The following SRP19 variants were observed in gnomAD, a reference collection of about 807,000 sequenced individuals.
SRP19 encodes signal recognition particle 19 kDa protein.
A neutral mutation model predicts 22.4 loss-of-function variants in SRP19; 11 were observed. That is an observed-to-expected ratio of 0.49 (90% CI 0.31 to 0.81). The LOEUF (loss-of-function observed/expected upper bound fraction) is 0.81, where lower values mean the gene tolerates loss of function less well. SRP19 is among the 40% of genes least tolerant of loss of function. SRP19 has a pLI of 0.05. For synonymous variants in SRP19, 61 were observed against 57.6 expected, an observed-to-expected ratio of 1.06 and a Z score of -0.27; for missense variants, 168 against 175.9, an observed-to-expected ratio of 0.96 and a Z score of 0.25.
intron 4 of SRP19, chr5:112,878,459 C>T (rs1767963615): frequency 1.4e-5 from 4 of 276,864 alleles, no homozygotes; most frequent in South Asian, 2.1e-4. Flanking sequence ...GCAGGGAGAG[C>T]CCAGTAAAGT....
chr5:112,864,435 G>A (rs1026847430), intron 2 of SRP19, 22 bp from the exon 3 acceptor site: 1 of 1,602,326 alleles, frequency 6.2e-7, no homozygotes, highest in Non-Finnish European at 8.5e-7. Context: ...TATATTTAGT[G>A]TTTATGTTTT....
chr5:112,883,896 C>G (rs913222892), intron 4 of SRP19, among the ~76,000 whole-genome samples: 1 of 152,156 alleles, frequency 6.6e-6, no homozygotes, highest in Non-Finnish European at 1.5e-5. Flanking sequence ...TCCTTAACCC[C>G]TCTGACCCAT....
downstream of SRP19, chr5:112,893,094 TAAAAAAAAAAAAA>T: frequency 8.0e-5 from 40 of 500,078 alleles, no homozygotes; most frequent in Middle Eastern, 6.8e-4. Context: ...GTTTTGTTCT[TAAAAAAAAAAAAA>T]AAAAAAAAAA....
In SRP19 at chr5:112,864,517, G is replaced by C; in HGVS notation, c.178G>C (p.Val60Leu). The C allele has an allele frequency of 6.2e-7, 1 of 1,614,010 alleles. No homozygotes were observed. The highest frequency in any genetic ancestry group is 8.5e-7 in the Non-Finnish European group (1 of 1,179,932). The part of the protein sequence containing the change: ...QDVCSAVGLN[V>L]FLEKNKMYSR... Reference sequence around the variant, plus strand: ...TGTATGTTCAGCAGTTGGACTTAACGTATTTCTTGAGGTATGACGTGGTTC... The same window carrying C: ...TGTATGTTCAGCAGTTGGACTTAACCTATTTCTTGAGGTATGACGTGGTTC... The change falls in exon 3 of 5, where the codon GTA becomes CTA. Residue 60 changes from valine (V) to leucine (L), a missense_variant. By Grantham distance (32) the Val-to-Leu change is conservative. Transcript: ENST00000505459.
At chr5:112,877,362 CTTGT>C (rs1432368696) in intron 4 of SRP19, 1 of 152,186 alleles carries the variant, frequency 6.6e-6, no homozygotes, top group Non-Finnish European at 1.5e-5. Context: ...TAGTTATACA[CTTGT>C]TTTAGTCGAG....
At chr5:112,870,682 G>A (rs1767736914), downstream of SRP19, among the ~76,000 whole-genome samples, 6 of 152,182 alleles carry the variant, frequency 3.9e-5, no homozygotes, top group South Asian at 1.2e-3. Flanking sequence ...CATGGGGGCT[G>A]TGCCCTCAGG....
At position 112,864,662 on chromosome 5, in the gene SRP19, A is replaced by G. The variant is rs148840201; in HGVS notation, c.231A>G (p.Gln77=). ...CTAGAGAATGGAATCGTGATGTCCA[A>G]TACAGAGGCAGAGTCCGGGTCCAGC... is the stretch of plus-strand genomic sequence containing the variant. ...MYSREWNRDV[Q]YRGRVRVQLK... is the part of the protein sequence containing the mutation. Residue 77 remains glutamine, a synonymous_variant, in exon 4 of 5, where the codon CAA becomes CAG. Transcript: ENST00000505459. The G allele has an allele frequency of 5.1e-5, 82 of 1,614,074 alleles. No individual in the cohort carries two copies. Among genetic ancestry groups the G allele is most frequent in the Non-Finnish European group, 5.3e-5 (63 of 1,180,046 alleles).
At chr5:112,878,899 CA>C (rs1767979885) in intron 4 of SRP19, 1 of 1,611,854 alleles carries the variant, frequency 6.2e-7, no homozygotes, top group Non-Finnish European at 8.5e-7. Flanking sequence ...TGCAAGCTTG[CA>C]AGCTTTGTGC....
chr5:112,892,463 T>A, exon 5 of SRP19: 1 of 1,614,124 alleles, frequency 6.2e-7, no homozygotes, highest in Non-Finnish European at 8.5e-7. Flanking sequence ...AGGGGCAATG[T>A]ATATGTTCAG....
At chr5:112,885,167 G>T in intron 4 of SRP19, 1 of 171,410 alleles carries the variant, frequency 5.8e-6, no homozygotes, top group Non-Finnish European at 1.3e-5. Context: ...TGCTCATGGT[G>T]CCAGCCCAGA....
chr5:112,895,374 T>C (rs568727708), downstream of SRP19: 46 of 152,012 alleles, frequency 3.0e-4, no homozygotes, highest in African/African-American at 1.0e-3. Context: ...AAGTGTACAA[T>C]AGAATAGTAG....
intron 1 of SRP19, among the ~76,000 whole-genome samples, chr5:112,861,741 C>G (rs1052625680): frequency 6.6e-6 from 1 of 152,124 alleles, no homozygotes; most frequent in African/African-American, 2.4e-5. Flanking sequence ...AGTATTGTTG[C>G]GTTCAGAAAG....
intron 4 of SRP19, among the ~76,000 whole-genome samples, chr5:112,886,450 T>C (rs1291825386): frequency 6.6e-6 from 1 of 152,230 alleles, no homozygotes; most frequent in African/African-American, 2.4e-5. Flanking sequence ...CTCCCGCTTT[T>C]TGGCATCCCA....
downstream of SRP19, chr5:112,893,094 T>TTAAAAA (rs781185558): frequency 8.0e-6 from 4 of 501,508 alleles, no homozygotes; most frequent in Admixed American, 4.2e-5. Context: ...GTTTTGTTCT[T>TTAAAAA]AAAAAAAAAA....
chr5:112,891,274 T>G (rs549258384), intron 4 of SRP19, among the ~76,000 whole-genome samples: 1 of 152,056 alleles, frequency 6.6e-6, no homozygotes. Context: ...GTTTTTGCCA[T>G]GTTGGCCAGG....
intron 4 of SRP19, among the ~76,000 whole-genome samples, chr5:112,866,116 CTTT>C (rs67108157): frequency 2.8e-5 from 4 of 142,010 alleles, no homozygotes; most frequent in East Asian, 2.1e-4. Flanking sequence ...AGTCTTTTTT[CTTT>C]TTTTTTTTTT....
chr5:112,884,236 C>A (rs942919963), intron 4 of SRP19, among the ~76,000 whole-genome samples: 7 of 152,132 alleles, frequency 4.6e-5, no homozygotes, highest in Non-Finnish European at 8.8e-5. Context: ...TTATGTGATA[C>A]GTCTTCCAGC....
downstream of SRP19, among the ~76,000 whole-genome samples, chr5:112,873,802 C>T (rs1767815886): frequency 6.6e-6 from 1 of 151,606 alleles, no homozygotes; most frequent in Non-Finnish European, 1.5e-5. Context: ...ATTTTGATCC[C>T]TATCATGTTA....
In SRP19 at chr5:112,867,622, T is replaced by TA. The variant is rs1302002114; in HGVS notation, c.*85_*86insA. ...TTTGTATCGGAGGGAAACAGAAGCT[T>TA]TTTGTTTGCATCATTTAACTGAACT... On this transcript the variant is annotated 3_prime_UTR_variant, in exon 5 of 5. Transcript: ENST00000505459. The TA allele has an allele frequency of 1.4e-5, 20 of 1,413,544 alleles. No individual in the cohort carries two copies. The Admixed American group carries it at 5.8e-4, about 41-fold the overall frequency. The allele number at this position is 1,413,544 out of a possible 1,614,324, so 87.6% of individuals were successfully genotyped here. A position where few individuals can be genotyped will look rare whatever the true frequency, so the allele number is the denominator to read the frequency against.
Sources: gnomAD v4.1 joint callset for allele counts (sites outside exome capture counted in the v4.1 genomes callset) on GRCh38, gnomAD v4.1.1 for gene constraint, MANE v1.5 for transcripts, NCBI Gene and HGNC (gene_info 2026-07-23, HGNC 2026-07-21) for gene names.